Variants in TRIP12 observed in about 807,000 individuals in gnomAD.
TRIP12 encodes the protein E3 ubiquitin-protein ligase TRIP12.
Under a neutral mutation model 244.2 loss-of-function variants are expected in TRIP12, and 25 were observed. The observed-to-expected ratio is 0.10, with a 90% CI of 0.07 to 0.14. The LOEUF is 0.14. TRIP12 is among the 10% of genes least tolerant of loss of function. TRIP12 has a pLI of 1.00. For synonymous variants in TRIP12, 905 were observed against 873.1 expected, an observed-to-expected ratio of 1.04 and a Z score of -0.64; for missense variants, 1,677 against 2,486.4, an observed-to-expected ratio of 0.67 and a Z score of 6.92.
In TRIP12 at chr2:229,804,095, G is replaced by A. The variant is rs754497274; in HGVS notation, c.2783C>T (p.Ala928Val). Residue 928 changes from alanine (A) to valine (V), a missense_variant, in exon 19 of 42, where the codon GCG becomes GTG. Physicochemically the swap from Ala to Val is moderately conservative, Grantham distance 64 (BLOSUM62 0). This residue lies in a region of TRIP12 where 572 missense variants were observed against 867.8 expected (regional missense o/e 0.66). Coordinates refer to ENST00000675903, the MANE Select transcript of TRIP12 (RefSeq NM_001348323.3). ...TGCTCTAAGGCACTTATGTCTGACC[G>A]CAGGTCCTGCTGAGGAACTATACAC... Reference protein sequence around the residue: ...YEVYSSSAGPAVRHKCLRAIL... With the variant: ...YEVYSSSAGPVVRHKCLRAIL... 3 of 1,614,048 alleles carry A rather than the reference G, an allele frequency of 1.9e-6. No homozygotes were observed. The highest frequency in any genetic ancestry group is 1.7e-6 in the Non-Finnish European group (2 of 1,179,976).
intron 9 of TRIP12, among the ~76,000 whole-genome samples, chr2:229,816,308 C>CA (rs1252306801): frequency 6.8e-6 from 1 of 147,000 alleles, no homozygotes; most frequent in African/African-American, 2.6e-5. Context: ...CACATACACA[C>CA]ACTCCATTTC....
intron 4 of TRIP12, among the ~76,000 whole-genome samples, chr2:229,852,610 T>C (rs1435135744): frequency 6.6e-6 from 1 of 152,186 alleles, no homozygotes; most frequent in Non-Finnish European, 1.5e-5. Context: ...ACATAACAAT[T>C]TTCTTTCTGG....
intron 13 of TRIP12, among the ~76,000 whole-genome samples, chr2:229,813,646 T>C (rs2047801883): frequency 1.3e-5 from 2 of 151,772 alleles, no homozygotes; most frequent in South Asian, 4.1e-4. Flanking sequence ...GAGCTGGGTG[T>C]GGTGGCACAC....
At chr2:229,785,062 T>C (rs1391944041) in intron 34 of TRIP12, among the ~76,000 whole-genome samples, 1 of 152,210 alleles carries the variant, frequency 6.6e-6, no homozygotes, top group Non-Finnish European at 1.5e-5. Flanking sequence ...CATACTTTGG[T>C]GCACCCATAT....
chr2:229,902,336 C>T (rs773551396), intron 1 of TRIP12, among the ~76,000 whole-genome samples: 8 of 152,026 alleles, frequency 5.3e-5, no homozygotes, highest in Non-Finnish European at 1.0e-4. Context: ...GCCGAGATCG[C>T]GCCACTCTAC....
chr2:229,841,302 A>ACACT (rs2056371361), intron 4 of TRIP12, among the ~76,000 whole-genome samples: 1 of 152,228 alleles, frequency 6.6e-6, no homozygotes, highest in African/African-American at 2.4e-5. Flanking sequence ...CAACTTTGTT[A>ACACT]CACTGTTCTT....
chr2:229,903,313 A>ATT (rs1560254430), intron 1 of TRIP12, among the ~76,000 whole-genome samples: 5 of 152,132 alleles, frequency 3.3e-5, no homozygotes, highest in Non-Finnish European at 7.3e-5. Flanking sequence ...GTGCAAGGAA[A>ATT]AACAAACCCC....
chr2:229,870,642 G>C (rs751098651), intron 2 of TRIP12, among the ~76,000 whole-genome samples: 18 of 152,148 alleles, frequency 1.2e-4, no homozygotes, highest in Non-Finnish European at 2.6e-4. Context: ...AAAATGGCAT[G>C]ATCAAAATTA....
At chr2:229,884,300 G>A (rs867434586) in intron 1 of TRIP12, among the ~76,000 whole-genome samples, 12 of 138,926 alleles carry the variant, frequency 8.6e-5, no homozygotes, top group East Asian at 4.3e-4. Context: ...GCAGTGGCAC[G>A]ATCTCGGCTC....
chr2:229,845,458 T>C (rs952501760), intron 4 of TRIP12, among the ~76,000 whole-genome samples: 3 of 152,148 alleles, frequency 2.0e-5, no homozygotes, highest in African/African-American at 4.8e-5. Flanking sequence ...GCAAAGATTG[T>C]ATGTGGTCAG....
At chr2:229,799,605 T>C (rs1444862813) in intron 21 of TRIP12, among the ~76,000 whole-genome samples, 1 of 151,886 alleles carries the variant, frequency 6.6e-6, no homozygotes, top group Admixed American at 6.6e-5. Flanking sequence ...TGAAACCCCA[T>C]CTCTACTAAA....
chr2:229,877,891 CTT>C (rs1043341033), intron 2 of TRIP12, among the ~76,000 whole-genome samples: 11 of 152,184 alleles, frequency 7.2e-5, no homozygotes, highest in Admixed American at 3.3e-4. Flanking sequence ...ACATGTAACA[CTT>C]TTATTACAGG....
chr2:229,809,631 A>G (rs1407520577), intron 15 of TRIP12, among the ~76,000 whole-genome samples: 1 of 152,232 alleles, frequency 6.6e-6, no homozygotes, highest in Non-Finnish European at 1.5e-5. Context: ...TTTAGTAAGT[A>G]AAATGAATTG....
chr2:229,803,546 T>G (rs2045043464), intron 20 of TRIP12, 25 bp downstream of exon 20: 1 of 1,437,838 alleles, frequency 7.0e-7, no homozygotes, highest in East Asian at 2.3e-5. Context: ...CTAGACTAAA[T>G]GACTATTAAT....
intron 4 of TRIP12, among the ~76,000 whole-genome samples, chr2:229,844,892 C>A (rs753350055): frequency 8.5e-5 from 13 of 152,118 alleles, no homozygotes; most frequent in Non-Finnish European, 1.6e-4. Context: ...TTTTAAAGTT[C>A]TCTGGAGAGC....
intron 4 of TRIP12, among the ~76,000 whole-genome samples, chr2:229,850,927 TCTCGC>T (rs1444428018): frequency 6.6e-6 from 1 of 152,226 alleles, no homozygotes; most frequent in Non-Finnish European, 1.5e-5. Context: ...GCACTCGATT[TCTCGC>T]CGGGCCTTAG....
intron 24 of TRIP12, 142 bp downstream of exon 24, chr2:229,797,548 C>A: frequency 1.1e-6 from 1 of 898,762 alleles, no homozygotes; most frequent in Non-Finnish European, 1.6e-6. Flanking sequence ...AAAGAAATGC[C>A]AGCACCAAGG....
chr2:229,782,398 T>C (rs1203179788), intron 34 of TRIP12, among the ~76,000 whole-genome samples: 1 of 152,110 alleles, frequency 6.6e-6, no homozygotes, highest in Non-Finnish European at 1.5e-5. Flanking sequence ...GGTTCCTCAA[T>C]CTTCCTGTTC....
At position 229,877,266 on chromosome 2, in the gene TRIP12, G is replaced by A. The variant is rs148319832; in HGVS notation, c.98+2716C>T. On this transcript the variant is annotated intron_variant, in intron 2 of 41. Transcript: ENST00000675903. ...ATTTACAAAATTTTTTAGGCTGGGC[G>A]CTGTGGCTCATGCCTGTAATCCCAG... 7.0e-3 allele frequency among the ~76,000 whole-genome samples: 1,067 copies of A among 152,198 alleles called. 8 individuals are homozygous for A. Among genetic ancestry groups the A allele is most frequent in the Middle Eastern group, 0.051 (15 of 294 alleles).
Sources: gnomAD v4.1 joint callset for allele counts (sites outside exome capture counted in the v4.1 genomes callset) on GRCh38, gnomAD v4.1.1 for gene constraint, gnomAD v4.1.1 regional missense constraint, MANE v1.5 for transcripts, NCBI Gene and HGNC (gene_info 2026-07-23, HGNC 2026-07-21) for gene names.